JAKMIP2: variants seen among roughly 807,000 people sequenced by gnomAD.
JAKMIP2 encodes janus kinase and microtubule interacting protein 2.
A neutral mutation model predicts 115.0 loss-of-function variants in JAKMIP2; 25 were observed. That is an observed-to-expected ratio of 0.22 (90% CI 0.16 to 0.30). JAKMIP2 has a LOEUF of 0.30. JAKMIP2 is among the 10% of genes least tolerant of loss of function. The pLI is 1.00. For synonymous variants in JAKMIP2, 334 were observed against 343.6 expected (o/e 0.97, Z 0.31); for missense variants, 642 against 957.6 (o/e 0.67, Z 4.35).
At chr5:147,726,472 C>T (rs1753521704) in intron 1 of JAKMIP2, among the ~76,000 whole-genome samples, 1 of 152,204 alleles carries the variant, frequency 6.6e-6, no homozygotes, top group African/African-American at 2.4e-5. Flanking sequence ...TCCCTGTGTG[C>T]ATAACTGGTT....
chr5:147,702,615 A>C (rs190470950), intron 1 of JAKMIP2, among the ~76,000 whole-genome samples: 2 of 64,576 alleles, frequency 3.1e-5, no homozygotes, highest in African/African-American at 1.1e-4. Context: ...AAAGAAAGAA[A>C]GAAAGAAAGA....
At chr5:147,671,370 T>C (rs1759576124) in intron 2 of JAKMIP2, among the ~76,000 whole-genome samples, 1 of 152,238 alleles carries the variant, frequency 6.6e-6, no homozygotes, top group African/African-American at 2.4e-5. Flanking sequence ...CCCAAGGTCA[T>C]GCAACTATTA....
At position 147,782,664 on chromosome 5, in the gene JAKMIP2, G is replaced by GGCA. The variant is rs3840518; in HGVS notation, c.-360_-358dup. ...TATCAGCAATAGAGGCGGCGGCGGCGGCAGCAGCAGCAGCAGCAGCATCAC... is the reference window on the plus strand; with the variant it reads ...TATCAGCAATAGAGGCGGCGGCGGCGGCAGCAGCAGCAGCAGCAGCAGCATCAC... On this transcript the variant is annotated 5_prime_UTR_variant, in exon 1 of 22. Coordinates refer to ENST00000616793, the MANE Select transcript of JAKMIP2 (RefSeq NM_001270941.2). 182 of 635,028 alleles carry GGCA rather than the reference G, an allele frequency of 2.9e-4. 1 individual carries two copies. Among genetic ancestry groups the GGCA allele is most frequent in the East Asian group, 2.0e-3 (66 of 33,032 alleles). 39.3% of individuals were successfully genotyped at this position (635,028 alleles called of 1,614,324 possible).
At chr5:147,689,123 T>C (rs532116887) in intron 1 of JAKMIP2, among the ~76,000 whole-genome samples, 57 of 152,008 alleles carry the variant, frequency 3.7e-4, no homozygotes, top group Admixed American at 1.6e-3. Context: ...AGTGAGGAAA[T>C]AGTACAAGAG....
intron 1 of JAKMIP2, among the ~76,000 whole-genome samples, chr5:147,723,118 T>C (rs1172688776): frequency 8.5e-5 from 13 of 152,180 alleles, no homozygotes. Flanking sequence ...CTAGTAGGGT[T>C]GGCTTTCCTA....
At chr5:147,744,264 C>T (rs1319218955) in intron 1 of JAKMIP2, among the ~76,000 whole-genome samples, 1 of 152,046 alleles carries the variant, frequency 6.6e-6, no homozygotes, top group Non-Finnish European at 1.5e-5. Context: ...CTTCTCTGGC[C>T]AGCTGTGTCA....
chr5:147,735,494 G>A (rs1753887588), intron 1 of JAKMIP2, among the ~76,000 whole-genome samples: 1 of 152,114 alleles, frequency 6.6e-6, no homozygotes, highest in South Asian at 2.1e-4. Context: ...GGCAACTCTG[G>A]TTTATAAAAT....
intron 1 of JAKMIP2, among the ~76,000 whole-genome samples, chr5:147,757,457 A>G (rs1195867606): frequency 6.6e-6 from 1 of 152,102 alleles, no homozygotes; most frequent in African/African-American, 2.4e-5. Flanking sequence ...GAGAAGTAAT[A>G]GCTTTCATGA....
rs1435787421 is a variant in JAKMIP2 at position 147,588,606 on chromosome 5, T to G, written c.*3101A>C. 1 of 152,070 alleles carries G rather than the reference T, an allele frequency of 6.6e-6. No individual in the cohort carries two copies. Among genetic ancestry groups the G allele is most frequent in the Non-Finnish European group, 1.5e-5 (1 of 68,020 alleles). The allele number at this position is 152,070 out of a possible 1,614,324, so 9.4% of individuals were successfully genotyped here. The stretch of plus-strand genomic sequence containing the variant: ...ATACTTTATTCAAGGATATATTCAT[T>G]TTGAGGCTCATGAGCAAGAGTTGGT... On this transcript the variant is annotated 3_prime_UTR_variant, in exon 22 of 22. Transcript: ENST00000616793.
intron 5 of JAKMIP2, among the ~76,000 whole-genome samples, chr5:147,646,475 C>A (rs1758133678): frequency 6.6e-6 from 1 of 151,974 alleles, no homozygotes; most frequent in Non-Finnish European, 1.5e-5. Flanking sequence ...ACAGAAAATG[C>A]AGATATACAT....
At chr5:147,715,658 C>G (rs1364557437) in intron 1 of JAKMIP2, among the ~76,000 whole-genome samples, 1 of 151,630 alleles carries the variant, frequency 6.6e-6, no homozygotes, top group Non-Finnish European at 1.5e-5. Context: ...CTTCAAAAAA[C>G]TTAAAGGAAA....
At chr5:147,685,801 A>AT (rs1040489216) in intron 1 of JAKMIP2, among the ~76,000 whole-genome samples, 2 of 152,004 alleles carry the variant, frequency 1.3e-5, no homozygotes, top group Non-Finnish European at 2.9e-5. Context: ...AATAGCAGTA[A>AT]TTTTTTTTGA....
At position 147,641,941 on chromosome 5, in the gene JAKMIP2, C is replaced by T. The variant is rs1300307031; in HGVS notation, c.1225-177G>A. ...ACTTAAATATATTCAAAACAAGAATCTTCTACAACTATTCCTGATGAGTTA... is the reference window on the plus strand; with the variant it reads ...ACTTAAATATATTCAAAACAAGAATTTTCTACAACTATTCCTGATGAGTTA... On this transcript the variant is annotated intron_variant, in intron 7 of 21. Transcript: ENST00000616793. Among the ~76,000 whole-genome samples the T allele has an allele frequency of 7.9e-5, 12 of 152,222 alleles. No individual in the cohort carries two copies. In the East Asian group the frequency reaches 2.3e-3, roughly 29 times the overall value.
At chr5:147,672,081 C>T (rs1454542365) in intron 1 of JAKMIP2, 127 bp from the exon 2 acceptor site, 1 of 432,458 alleles carries the variant, frequency 2.3e-6, no homozygotes, top group Non-Finnish European at 3.4e-6. Context: ...TCAGTATCTC[C>T]TGTCCACTTG....
chr5:147,753,538 A>G (rs1754636196), intron 1 of JAKMIP2, among the ~76,000 whole-genome samples: 1 of 152,250 alleles, frequency 6.6e-6, no homozygotes, highest in Non-Finnish European at 1.5e-5. Flanking sequence ...AAATGCAACC[A>G]CACGATATGG....
At chr5:147,731,745 A>C (rs2126970537) in intron 1 of JAKMIP2, among the ~76,000 whole-genome samples, 1 of 152,322 alleles carries the variant, frequency 6.6e-6, no homozygotes, top group East Asian at 1.9e-4. Context: ...TTTTCTTCCA[A>C]GACAACTGCA....
intron 1 of JAKMIP2, among the ~76,000 whole-genome samples, chr5:147,690,344 T>TA (rs1171880413): frequency 6.6e-6 from 1 of 151,106 alleles, no homozygotes; most frequent in East Asian, 2.0e-4. Flanking sequence ...AAAAAAAGCT[T>TA]AAAAAACAAA....
chr5:147,633,900 G>A (rs182451955), intron 12 of JAKMIP2, among the ~76,000 whole-genome samples: 12 of 152,178 alleles, frequency 7.9e-5, no homozygotes, highest in African/African-American at 2.6e-4. Context: ...ACGTTGGCCA[G>A]GCTGGTCTTG....
rs2126535041 is a variant in JAKMIP2, at chr5:147,588,361, A to G, written c.*3346T>C. ...ACTCAGTAGCCAAATGCATCTCGGT[A>G]GTACAGATGCAGAAGTGGGGCCACA... On this transcript the variant is annotated 3_prime_UTR_variant, in exon 22 of 22. Coordinates refer to ENST00000616793, the MANE Select transcript of JAKMIP2 (RefSeq NM_001270941.2). 1 of 151,770 alleles carries G rather than the reference A, an allele frequency of 6.6e-6. No individual in the cohort carries two copies. Among genetic ancestry groups the G allele is most frequent in the South Asian group, 2.1e-4 (1 of 4,788 alleles). The allele number at this position is 151,770 out of a possible 1,614,324, so 9.4% of individuals were successfully genotyped here.
Sources: gnomAD v4.1 joint callset for allele counts (sites outside exome capture counted in the v4.1 genomes callset) on GRCh38, gnomAD v4.1.1 for gene constraint, MANE v1.5 for transcripts, NCBI Gene and HGNC (gene_info 2026-07-23, HGNC 2026-07-21) for gene names.